The following LAPTM4B variants were observed in gnomAD, a reference collection of about 807,000 sequenced individuals.
LAPTM4B encodes the protein lysosomal protein transmembrane 4 beta.
In LAPTM4B, 26 loss-of-function variants were observed where a neutral mutation model predicts 28.5. The ratio of observed to expected loss-of-function variants is 0.91; its 90% CI spans 0.67 to 1.27. The LOEUF (loss-of-function observed/expected upper bound fraction) is 1.27. LAPTM4B is among the 50% of genes most tolerant of loss of function. The pLI is 0.00. For synonymous variants in LAPTM4B, 109 were observed against 106.4 expected (o/e 1.02, Z -0.15); for missense variants, 288 against 285.8 (o/e 1.01, Z -0.06).
chr8:97,835,563 T>C (rs1817246610), intron 6 of LAPTM4B, among the ~76,000 whole-genome samples: 1 of 152,230 alleles, frequency 6.6e-6, no homozygotes, highest in Non-Finnish European at 1.5e-5. Context: ...GTGGATTTTA[T>C]TGAGTAGTCA....
chr8:97,841,033 C>T (rs112490245), intron 6 of LAPTM4B, among the ~76,000 whole-genome samples: 6,495 of 150,756 alleles, frequency 0.043, 379 homozygotes, highest in African/African-American at 0.14. Flanking sequence ...GATGGGGCGG[C>T]GGCTGGGCAG....
chr8:97,808,452 T>A (rs927569874), intron 2 of LAPTM4B, among the ~76,000 whole-genome samples: 1 of 111,792 alleles, frequency 8.9e-6, no homozygotes, highest in East Asian at 3.3e-4. Context: ...CATTTCAAAA[T>A]TAAAATAAAA....
intron 1 of LAPTM4B, among the ~76,000 whole-genome samples, chr8:97,791,110 T>C (rs1816490081): frequency 6.6e-6 from 1 of 152,098 alleles, no homozygotes; most frequent in Non-Finnish European, 1.5e-5. Flanking sequence ...CTTGCTTGTT[T>C]GCCCAGTCTG....
chr8:97,800,892 A>G (rs1816666118), intron 1 of LAPTM4B, among the ~76,000 whole-genome samples: 1 of 151,992 alleles, frequency 6.6e-6, no homozygotes, highest in African/African-American at 2.4e-5. Context: ...CAGGAGGATC[A>G]CTTGAGCCTG....
chr8:97,846,728 T>G (rs1817439281), intron 6 of LAPTM4B, among the ~76,000 whole-genome samples: 2 of 152,216 alleles, frequency 1.3e-5, no homozygotes, highest in African/African-American at 4.8e-5. Flanking sequence ...AAAAATATTT[T>G]AAAATTTAAA....
intron 5 of LAPTM4B, among the ~76,000 whole-genome samples, chr8:97,824,768 T>C (rs1158778719): frequency 6.6e-6 from 1 of 152,150 alleles, no homozygotes; most frequent in African/African-American, 2.4e-5. Flanking sequence ...ACACTTATTC[T>C]TAGAAATTTC....
chr8:97,786,334 A>G (rs114255293), intron 1 of LAPTM4B, among the ~76,000 whole-genome samples: 5,647 of 152,008 alleles, frequency 0.037, 324 homozygotes, highest in African/African-American at 0.13. Context: ...TTTCTCAGGA[A>G]AATATGTGGG....
At chr8:97,841,759 TAAAGG>T (rs1327211040) in intron 6 of LAPTM4B, among the ~76,000 whole-genome samples, 1 of 152,224 alleles carries the variant, frequency 6.6e-6, no homozygotes, top group Non-Finnish European at 1.5e-5. Context: ...TTGGCTTAAG[TAAAGG>T]AATCTCACAT....
intron 1 of LAPTM4B, among the ~76,000 whole-genome samples, chr8:97,794,176 C>T (rs1189463763): frequency 2.6e-5 from 4 of 152,116 alleles, no homozygotes. Flanking sequence ...GATGAGGTTT[C>T]ACCATGTTAG....
At chr8:97,812,979 A>G (rs953291926) in intron 2 of LAPTM4B, among the ~76,000 whole-genome samples, 1 of 152,224 alleles carries the variant, frequency 6.6e-6, no homozygotes, top group Non-Finnish European at 1.5e-5. Context: ...TACTTTGCCT[A>G]CAAGAATACT....
chr8:97,827,692 G>C (rs1471702401), intron 6 of LAPTM4B, among the ~76,000 whole-genome samples: 1 of 152,180 alleles, frequency 6.6e-6, no homozygotes, highest in African/African-American at 2.4e-5. Flanking sequence ...TAAGCGAAGA[G>C]ACAACCTGAA....
At chr8:97,841,648 C>T (rs1817351567) in intron 6 of LAPTM4B, among the ~76,000 whole-genome samples, 2 of 152,158 alleles carry the variant, frequency 1.3e-5, no homozygotes, top group Admixed American at 1.3e-4. Flanking sequence ...TAAGCCCAGA[C>T]TTTGTATTTC....
intron 4 of LAPTM4B, among the ~76,000 whole-genome samples, chr8:97,817,162 G>A (rs1816931183): frequency 6.6e-6 from 1 of 152,122 alleles, no homozygotes; most frequent in African/African-American, 2.4e-5. Context: ...TTGGGACAGG[G>A]TCTCTGTCAC....
intron 1 of LAPTM4B, among the ~76,000 whole-genome samples, chr8:97,778,234 A>G (rs1349076569): frequency 6.6e-6 from 1 of 152,136 alleles, no homozygotes; most frequent in Non-Finnish European, 1.5e-5. Flanking sequence ...TTTCTGGGAA[A>G]CCTGGCTTAA....
Position 97,802,204 on chromosome 8 carries a change from C to T in LAPTM4B, c.100-3149C>T, listed in dbSNP as rs113938313. 4.8e-4 allele frequency among the ~76,000 whole-genome samples: 73 copies of T among 152,194 alleles called. 1 individual carries two copies. The highest frequency in any genetic ancestry group is 1.7e-3 in the African/African-American group (72 of 41,516). Reference sequence around the variant, plus strand: ...AGTGTAAGTTTATTAAGTAAAGAAACAAAAGAATGGTTACTCCATAGGCAG... The same window carrying T: ...AGTGTAAGTTTATTAAGTAAAGAAATAAAAGAATGGTTACTCCATAGGCAG... On this transcript the variant is annotated intron_variant, in intron 1 of 6. Coordinates refer to ENST00000521545, the MANE Select transcript of LAPTM4B (RefSeq NM_018407.6).
At chr8:97,826,435 T>G (rs769503231) in intron 6 of LAPTM4B, among the ~76,000 whole-genome samples, 1 of 152,240 alleles carries the variant, frequency 6.6e-6, no homozygotes, top group Non-Finnish European at 1.5e-5. Flanking sequence ...GAAAGAAATA[T>G]CTATTCAAAA....
intron 6 of LAPTM4B, among the ~76,000 whole-genome samples, chr8:97,850,457 A>T (rs1817505072): frequency 2.6e-5 from 1 of 38,742 alleles, no homozygotes; most frequent in African/African-American, 2.4e-4. Context: ...GTAGAGCTGG[A>T]GAGGAGGGGT....
rs1433110620 is a variant in LAPTM4B, at chr8:97,776,104, A to G, written c.95A>G (p.Tyr32Cys). The G allele has an allele frequency of 6.3e-7, 1 of 1,576,518 alleles. No homozygotes were observed. Among genetic ancestry groups the G allele is most frequent in the Non-Finnish European group, 8.6e-7 (1 of 1,168,834 alleles). ...RTGTILLGVW[Y>C]LIINAVVLLI... ...GGCACCATCCTGCTCGGCGTCTGGTATCTGGTGAGCGCGGCGCGCCCGGCC... is the reference window on the plus strand; with the variant it reads ...GGCACCATCCTGCTCGGCGTCTGGTGTCTGGTGAGCGCGGCGCGCCCGGCC... The change falls in exon 1 of 7, where the codon TAT becomes TGT. Residue 32 changes from tyrosine (Y) to cysteine (C), a missense_variant. By Grantham distance (194) the Tyr-to-Cys change is radical. Transcript: ENST00000521545.
intron 6 of LAPTM4B, 90 bp downstream of exon 6, chr8:97,825,243 ATTG>A (rs1817075035): frequency 4.6e-6 from 3 of 657,274 alleles, no homozygotes; most frequent in Non-Finnish European, 5.5e-6. Context: ...CTACATTTTT[ATTG>A]TTACTGAAAC....
Sources: gnomAD v4.1 joint callset for allele counts (sites outside exome capture counted in the v4.1 genomes callset) on GRCh38, gnomAD v4.1.1 for gene constraint, MANE v1.5 for transcripts, NCBI Gene and HGNC (gene_info 2026-07-23, HGNC 2026-07-21) for gene names.